Variants in THSD4 observed in about 807,000 individuals in gnomAD.
The protein encoded by THSD4 is thrombospondin type 1 domain containing 4.
Under a neutral mutation model 119.0 loss-of-function variants are expected in THSD4, and 69 were observed. That is an observed-to-expected ratio of 0.58 (90% CI 0.48 to 0.71). The LOEUF (loss-of-function observed/expected upper bound fraction) is 0.71, where lower values mean the gene tolerates loss of function less well. Among genes scored for constraint, THSD4 ranks in the 30% least tolerant of loss-of-function variants. The pLI, the probability that THSD4 is intolerant of heterozygous loss-of-function variation, is 0.00. For synonymous variants in THSD4, 524 were observed against 540.4 expected (o/e 0.97, Z 0.42); for missense variants, 1,393 against 1,391.1 (o/e 1.00, Z -0.02).
At chr15:71,641,286 C>T (rs911512707) in intron 7 of THSD4, among the ~76,000 whole-genome samples, 2 of 151,948 alleles carry the variant, frequency 1.3e-5, no homozygotes, top group African/African-American at 4.8e-5. Context: ...CTCTGTAAGC[C>T]CCAGTCCAAT....
intron 7 of THSD4, among the ~76,000 whole-genome samples, chr15:71,461,105 C>G (rs1414600836): frequency 6.6e-6 from 1 of 152,172 alleles, no homozygotes; most frequent in Non-Finnish European, 1.5e-5. Flanking sequence ...TGGCTTAGGG[C>G]CTCCCATGAG....
At chr15:71,224,283 C>CA (rs2043996957) in intron 4 of THSD4, among the ~76,000 whole-genome samples, 1 of 152,088 alleles carries the variant, frequency 6.6e-6, no homozygotes, top group South Asian at 2.1e-4. Context: ...GGCTCCTTTC[C>CA]AGAGAGGAAC....
At chr15:71,466,507 T>C (rs1467355550) in intron 7 of THSD4, among the ~76,000 whole-genome samples, 1 of 152,196 alleles carries the variant, frequency 6.6e-6, no homozygotes, top group Non-Finnish European at 1.5e-5. Context: ...CTTTATCTGC[T>C]GGTGCCAGGG....
chr15:71,398,962 A>G (rs1383260109), intron 6 of THSD4, among the ~76,000 whole-genome samples: 1 of 152,008 alleles, frequency 6.6e-6, no homozygotes, highest in African/African-American at 2.4e-5. Context: ...CCAGGCCCCC[A>G]TGAGATCCAA....
chr15:71,195,214 A>G (rs1474050325), intron 3 of THSD4, among the ~76,000 whole-genome samples: 5 of 152,378 alleles, frequency 3.3e-5, no homozygotes, highest in South Asian at 2.1e-4. Flanking sequence ...ATGCATCCCT[A>G]TATGGGTTGT....
At chr15:71,608,639 T>C (rs975799690) in intron 7 of THSD4, among the ~76,000 whole-genome samples, 2 of 152,186 alleles carry the variant, frequency 1.3e-5, no homozygotes, top group African/African-American at 2.4e-5. Flanking sequence ...ATTATTGGAG[T>C]GACTGGGTCA....
rs957564435 is a variant in THSD4, at chr15:71,780,782, A to T, written c.*3408A>T. ...TTTTTCTTTATTTTCTTATGTACTC[A>T]TCTACTTATTCTCAAAGTATTTAGC... On this transcript the variant is annotated 3_prime_UTR_variant, in exon 18 of 18. Transcript: ENST00000261862. 1.3e-5 allele frequency: 6 copies of T among 455,894 alleles called. No individual in the cohort carries two copies. Among genetic ancestry groups the T allele is most frequent in the Non-Finnish European group, 2.6e-5 (6 of 226,758 alleles). 28.2% of individuals were successfully genotyped at this position (455,894 alleles called of 1,614,324 possible).
At chr15:71,730,794 T>A (rs2052962382) in intron 9 of THSD4, 1 of 315,062 alleles carries the variant, frequency 3.2e-6, no homozygotes, top group Non-Finnish European at 6.2e-6. Flanking sequence ...CTGTGTTGGA[T>A]GTTTCAAGAG....
chr15:71,396,274 C>T (rs1383239006), intron 6 of THSD4, among the ~76,000 whole-genome samples: 1 of 151,074 alleles, frequency 6.6e-6, no homozygotes, highest in Admixed American at 6.6e-5. Context: ...CATGTACACA[C>T]ATAAAACATG....
At chr15:71,436,791 A>G (rs1019888549) in intron 7 of THSD4, among the ~76,000 whole-genome samples, 12 of 152,174 alleles carry the variant, frequency 7.9e-5, no homozygotes, top group African/African-American at 2.4e-4. Context: ...TCATAAGGCA[A>G]TTGGAGATGA....
intron 1 of THSD4, among the ~76,000 whole-genome samples, chr15:71,108,250 C>G (rs935918777): frequency 3.3e-5 from 5 of 152,142 alleles, no homozygotes; most frequent in African/African-American, 1.2e-4. Context: ...TGAACAAACC[C>G]AAGGTTCATA....
chr15:71,493,050 A>G lies in THSD4; in HGVS notation c.1152+81227A>G, dbSNP rs536472500. Among the ~76,000 whole-genome samples, 9 of 152,376 alleles carry G rather than the reference A, an allele frequency of 5.9e-5. No homozygotes were observed. In the South Asian group the frequency reaches 1.2e-3, roughly 21 times the overall value. On this transcript the variant is annotated intron_variant, in intron 7 of 17. Coordinates refer to ENST00000261862, the MANE Select transcript of THSD4 (RefSeq NM_024817.3). ...TTCTTGGCTTAGAGGAGTCGACAAG[A>G]AGATACTTCAGAGCCATATGGTTGT...
intron 6 of THSD4, among the ~76,000 whole-genome samples, chr15:71,259,700 A>G (rs1373749981): frequency 6.6e-6 from 1 of 152,186 alleles, no homozygotes; most frequent in Non-Finnish European, 1.5e-5. Flanking sequence ...TGCAGTCTGA[A>G]CATCAGGATT....
intron 7 of THSD4, among the ~76,000 whole-genome samples, chr15:71,566,138 T>C (rs1449613712): frequency 8.4e-6 from 1 of 118,382 alleles, no homozygotes; most frequent in African/African-American, 3.1e-5. Context: ...TTTCTTTCTT[T>C]TTTCTTTTTC....
At chr15:71,292,927 T>C (rs2044811787) in intron 6 of THSD4, among the ~76,000 whole-genome samples, 1 of 152,176 alleles carries the variant, frequency 6.6e-6, no homozygotes, top group Non-Finnish European at 1.5e-5. Flanking sequence ...CCGCCCATCT[T>C]GGCCTCCCAA....
At chr15:71,341,037 C>A (rs2140388645) in intron 6 of THSD4, 2 of 689,134 alleles carry the variant, frequency 2.9e-6, no homozygotes, top group East Asian at 2.7e-5. Context: ...TCTTGCATTT[C>A]CTCTCTCTCC....
chr15:71,168,568 A>G (rs2043318802), intron 3 of THSD4, among the ~76,000 whole-genome samples: 1 of 152,230 alleles, frequency 6.6e-6, no homozygotes, highest in Admixed American at 6.5e-5. Context: ...CCTGTTATTT[A>G]TAGAAACTCT....
chr15:71,580,865 A>G (rs975382308), intron 7 of THSD4, among the ~76,000 whole-genome samples: 3 of 152,118 alleles, frequency 2.0e-5, no homozygotes, highest in African/African-American at 4.8e-5. Flanking sequence ...ATATACATAT[A>G]TATGTGTGTG....
At chr15:71,380,330 A>G (rs2046212140) in intron 6 of THSD4, among the ~76,000 whole-genome samples, 1 of 152,158 alleles carries the variant, frequency 6.6e-6, no homozygotes, top group Admixed American at 6.5e-5. Flanking sequence ...GTCTCAGTAC[A>G]GAACTCATAA....
Sources: allele counts gnomAD v4.1 joint callset (sites outside exome capture counted in the v4.1 genomes callset), GRCh38; gene constraint gnomAD v4.1.1; transcripts MANE v1.5; gene names NCBI Gene and HGNC (gene_info 2026-07-23, HGNC 2026-07-21).